The following SHANK2 variants were observed in gnomAD, a reference collection of about 807,000 sequenced individuals.
SHANK2 encodes the protein SH3 and multiple ankyrin repeat domains protein 2.
A neutral mutation model predicts 133.7 loss-of-function variants in SHANK2; 43 were observed. The observed-to-expected ratio is 0.32, with a 90% CI of 0.25 to 0.41. The LOEUF (loss-of-function observed/expected upper bound fraction) is 0.41. SHANK2 is among the 10% of genes least tolerant of loss of function. The probability of loss-of-function intolerance (pLI) is 1.00; values close to 1 mark genes in which losing one functional copy is unlikely to be tolerated. For missense variants in SHANK2, 1,994 were observed against 2,235.8 expected, an observed-to-expected ratio of 0.89 and a Z score of 2.18; for synonymous variants, 1,017 against 952.8, an observed-to-expected ratio of 1.07 and a Z score of -1.24.
At chr11:70,767,872 A>G (rs1947156642) in intron 14 of SHANK2, among the ~76,000 whole-genome samples, 2 of 152,222 alleles carry the variant, frequency 1.3e-5, no homozygotes, top group South Asian at 4.1e-4. Flanking sequence ...AAAACCTTCC[A>G]GAATGGTCTG....
intron 9 of SHANK2, among the ~76,000 whole-genome samples, chr11:71,060,260 A>G (rs1201969029): frequency 6.6e-6 from 1 of 152,174 alleles, no homozygotes; most frequent in Admixed American, 6.5e-5. Flanking sequence ...ACAGCCCCCC[A>G]TGGCAAAAAA....
At chr11:71,200,003 C>T (rs1245907790) in intron 2 of SHANK2, among the ~76,000 whole-genome samples, 1 of 152,202 alleles carries the variant, frequency 6.6e-6, no homozygotes, top group Non-Finnish European at 1.5e-5. Context: ...ATAAAATTCA[C>T]ATAACATAGA....
rs782373805 is a variant in SHANK2 at position 71,109,929 on chromosome 11, G to A, written c.592+12C>T. 9.8e-6 allele frequency: 15 copies of A among 1,525,618 alleles called. No individual in the cohort carries two copies. The South Asian group carries it at 1.6e-4, about 16-fold the overall frequency. The allele number at this position is 1,525,618 out of a possible 1,614,324, so 94.5% of individuals were successfully genotyped here. Reference sequence around the variant, plus strand: ...GTAAAGCCTGGTAAGGTCCCCTCTAGCAAGTGCTCACCTCCGGTCTCCGGG... The same window carrying A: ...GTAAAGCCTGGTAAGGTCCCCTCTAACAAGTGCTCACCTCCGGTCTCCGGG... On this transcript the variant is annotated intron_variant, in intron 6 of 25. Transcript: ENST00000601538.
intron 8 of SHANK2, among the ~76,000 whole-genome samples, chr11:71,086,510 A>T (rs1951421454): frequency 7.0e-6 from 1 of 141,932 alleles, no homozygotes; most frequent in Non-Finnish European, 1.5e-5. Flanking sequence ...ATAATTTATT[A>T]TATATAATAT....
chr11:71,231,621 C>T (rs577545242), intron 1 of SHANK2, among the ~76,000 whole-genome samples: 1 of 152,316 alleles, frequency 6.6e-6, no homozygotes, highest in South Asian at 2.1e-4. Context: ...GGTGCAGTGG[C>T]TCACACCTGT....
intron 17 of SHANK2, among the ~76,000 whole-genome samples, chr11:70,532,766 C>A (rs1403575375): frequency 6.6e-6 from 1 of 152,158 alleles, no homozygotes; most frequent in Non-Finnish European, 1.5e-5. Context: ...TACTTATAAC[C>A]CCAGAATAAT....
intron 17 of SHANK2, among the ~76,000 whole-genome samples, chr11:70,617,366 T>C (rs782618666): frequency 6.6e-6 from 1 of 152,038 alleles, no homozygotes; most frequent in Admixed American, 6.5e-5. Flanking sequence ...CCTTTAAAAA[T>C]GTAAAAATCT....
intron 15 of SHANK2, among the ~76,000 whole-genome samples, chr11:70,665,936 CA>C (rs1555014765): frequency 6.6e-6 from 1 of 152,076 alleles, no homozygotes; most frequent in East Asian, 1.9e-4. Flanking sequence ...TCTACAAGGT[CA>C]ATGGGGGCAG....
intron 2 of SHANK2, among the ~76,000 whole-genome samples, chr11:71,163,961 G>C (rs778289901): frequency 2.0e-5 from 3 of 152,210 alleles, no homozygotes; most frequent in Non-Finnish European, 4.4e-5. Flanking sequence ...ATAGTACAGA[G>C]AGTTCCCACT....
At chr11:70,494,100 T>G (rs1202294238) in intron 21 of SHANK2, among the ~76,000 whole-genome samples, 1 of 151,804 alleles carries the variant, frequency 6.6e-6, no homozygotes, top group Admixed American at 6.6e-5. Flanking sequence ...AAGAGGAAGT[T>G]TGGGGAGAGG....
intron 10 of SHANK2, among the ~76,000 whole-genome samples, chr11:70,913,288 C>A (rs1451411143): frequency 6.6e-6 from 1 of 151,816 alleles, no homozygotes; most frequent in African/African-American, 2.4e-5. Context: ...CCTATTATGA[C>A]AACTTGGACC....
intron 2 of SHANK2, among the ~76,000 whole-genome samples, chr11:71,187,917 CG>C (rs1258933292): frequency 1.3e-5 from 2 of 152,148 alleles, no homozygotes; most frequent in African/African-American, 4.8e-5. Context: ...CATGTGGTGC[CG>C]GGTGGCCTTC....
In SHANK2 at chr11:70,485,901, C is replaced by T. The variant is rs782509958; in HGVS notation, c.4392G>A (p.Lys1464=). The T allele has an allele frequency of 3.7e-6, 6 of 1,613,908 alleles. No individual in the cohort carries two copies. The highest frequency in any genetic ancestry group is 1.7e-4 in the Middle Eastern group (1 of 6,058). The stretch of plus-strand genomic sequence containing the variant: ...GCAGACAGTTTGAAAGACTGGCTGG[C>T]TTCTTGCTGTCTGCAGAGTTGGTTG... The part of the protein sequence containing the change: ...SQPTNSADSK[K]PASLSNCLPA... Residue 1464 remains lysine (K), a synonymous_variant, in exon 25 of 26, where the codon AAG becomes AAA. Coordinates refer to ENST00000601538, the MANE Select transcript of SHANK2 (RefSeq NM_012309.5). This position sits in a 1 kb window ranked among gnomAD's most constrained non-coding sequence, Gnocchi z 5.8.
At chr11:70,918,446 G>A (rs554337820) in intron 10 of SHANK2, among the ~76,000 whole-genome samples, 3 of 152,366 alleles carry the variant, frequency 2.0e-5, no homozygotes, top group East Asian at 3.9e-4. Context: ...GGCTCTGCCA[G>A]TCGAAGTGGA....
intron 9 of SHANK2, among the ~76,000 whole-genome samples, chr11:71,057,717 A>ATT (rs1192366882): frequency 0.055 from 7,989 of 145,882 alleles, 721 homozygotes; most frequent in African/African-American, 0.19. Context: ...TGCCCAGCTA[A>ATT]TTTTTTTTTT....
At chr11:71,215,890 G>A (rs1954401270) in intron 2 of SHANK2, among the ~76,000 whole-genome samples, 2 of 152,178 alleles carry the variant, frequency 1.3e-5, no homozygotes, top group African/African-American at 4.8e-5. Flanking sequence ...CATTGCTGAT[G>A]CTCAAATCAA....
At chr11:71,129,034 C>T (rs1281116291) in intron 3 of SHANK2, among the ~76,000 whole-genome samples, 22 of 152,224 alleles carry the variant, frequency 1.4e-4, no homozygotes, top group East Asian at 3.9e-4. Flanking sequence ...CCATCCGCCT[C>T]GGCCTCCCAA....
chr11:70,722,241 C>T (rs964410903), intron 14 of SHANK2, among the ~76,000 whole-genome samples: 2 of 152,254 alleles, frequency 1.3e-5, no homozygotes, highest in Non-Finnish European at 2.9e-5. Flanking sequence ...CAGTCAGGCT[C>T]TGCTGATGGG....
At chr11:70,554,446 C>A (rs1277364267) in intron 17 of SHANK2, among the ~76,000 whole-genome samples, 1 of 152,158 alleles carries the variant, frequency 6.6e-6, no homozygotes, top group African/African-American at 2.4e-5. Flanking sequence ...TTGCAAGGAC[C>A]TACCTGATCT....
Sources: allele counts gnomAD v4.1 joint callset (sites outside exome capture counted in the v4.1 genomes callset), GRCh38; gene constraint gnomAD v4.1.1; non-coding constraint Gnocchi (gnomAD v3.1); transcripts MANE v1.5; gene names NCBI Gene and HGNC (gene_info 2026-07-23, HGNC 2026-07-21).